The following ROBO2 variants were observed in gnomAD, a reference collection of about 807,000 sequenced individuals.
The protein encoded by ROBO2 is roundabout guidance receptor 2.
A neutral mutation model predicts 160.8 loss-of-function variants in ROBO2; 53 were observed. That is an observed-to-expected ratio of 0.33 (90% CI 0.26 to 0.41). The LOEUF (loss-of-function observed/expected upper bound fraction) is 0.41. Among genes scored for constraint, ROBO2 ranks in the 10% least tolerant of loss-of-function variants. The pLI is 1.00. For missense variants in ROBO2, 1,577 were observed against 1,722.4 expected (o/e 0.92, Z 1.49); for synonymous variants, 664 against 611.7 (o/e 1.09, Z -1.26).
intron 2 of ROBO2, among the ~76,000 whole-genome samples, chr3:76,650,289 T>G (rs1350580352): frequency 6.6e-6 from 1 of 152,138 alleles, no homozygotes; most frequent in Admixed American, 6.5e-5. Context: ...CTCACCTTGT[T>G]TAAAGGTAGA....
intron 2 of ROBO2, among the ~76,000 whole-genome samples, chr3:76,309,021 T>A (rs894325857): frequency 1.9e-4 from 29 of 152,194 alleles, no homozygotes; most frequent in African/African-American, 6.8e-4. Flanking sequence ...CTATTTGACA[T>A]TTTTTCTGTT....
At chr3:76,036,442 G>A (rs373440160) in intron 2 of ROBO2, among the ~76,000 whole-genome samples, 1 of 151,634 alleles carries the variant, frequency 6.6e-6, no homozygotes, top group Middle Eastern at 3.4e-3. Flanking sequence ...GAGCCAATGC[G>A]CCAGGCTGGT....
At chr3:77,634,135 G>C (rs9858645) in intron 23 of ROBO2, 2 of 152,050 alleles carry the variant, frequency 1.3e-5, no homozygotes, top group East Asian at 3.8e-4. Flanking sequence ...AAATTTCCCC[G>C]TATACCTACT....
chr3:76,809,316 G>A (rs1053249987), intron 2 of ROBO2, among the ~76,000 whole-genome samples: 22 of 152,160 alleles, frequency 1.4e-4, no homozygotes, highest in Non-Finnish European at 2.1e-4. Flanking sequence ...TTCTCTTGCT[G>A]GTTGTTGGCC....
intron 2 of ROBO2, among the ~76,000 whole-genome samples, chr3:76,574,152 A>G (rs548129172): frequency 4.9e-4 from 75 of 152,248 alleles, no homozygotes; most frequent in African/African-American, 1.6e-3. Context: ...TCTGTTTATT[A>G]GAATTAAGCA....
intron 2 of ROBO2, among the ~76,000 whole-genome samples, chr3:76,939,978 G>GTTTTTTT (rs2078048454): frequency 2.5e-5 from 2 of 81,458 alleles, no homozygotes; most frequent in East Asian, 3.7e-4. Context: ...AAAGCAACAG[G>GTTTTTTT]ATTTTTTTTT....
chr3:76,694,843 A>G (rs1224454851), intron 2 of ROBO2, among the ~76,000 whole-genome samples: 1 of 152,072 alleles, frequency 6.6e-6, no homozygotes, highest in East Asian at 1.9e-4. Flanking sequence ...TTCTTTTATT[A>G]AAACTTATTT....
At chr3:75,959,434 G>A (rs896632101) in intron 2 of ROBO2, among the ~76,000 whole-genome samples, 8 of 151,674 alleles carry the variant, frequency 5.3e-5, no homozygotes, top group African/African-American at 1.9e-4. Flanking sequence ...GGTTGAGCAG[G>A]TTTTCCTAGT....
chr3:76,062,302 A>C (rs567479020), intron 2 of ROBO2, among the ~76,000 whole-genome samples: 1 of 149,994 alleles, frequency 6.7e-6, no homozygotes, highest in South Asian at 2.1e-4. Context: ...AATTTGTTTA[A>C]AAAGTTAACT....
chr3:77,165,061 T>A (rs2078936920), intron 2 of ROBO2, among the ~76,000 whole-genome samples: 1 of 151,700 alleles, frequency 6.6e-6, no homozygotes, highest in Admixed American at 6.6e-5. Context: ...CTGGGAGGTG[T>A]GCCCAACGGC....
intron 2 of ROBO2, among the ~76,000 whole-genome samples, chr3:76,453,682 C>T (rs574806139): frequency 2.6e-5 from 4 of 152,046 alleles, no homozygotes; most frequent in Admixed American, 6.6e-5. Flanking sequence ...ATAAACCTTT[C>T]GAGTTGGTAA....
At chr3:76,804,626 C>A (rs561300474) in intron 2 of ROBO2, among the ~76,000 whole-genome samples, 1 of 152,152 alleles carries the variant, frequency 6.6e-6, no homozygotes, top group Non-Finnish European at 1.5e-5. Flanking sequence ...CTATTTCTTG[C>A]CAATTATTAG....
intron 2 of ROBO2, among the ~76,000 whole-genome samples, chr3:75,968,859 GT>G (rs2064894366): frequency 7.3e-6 from 1 of 137,306 alleles, no homozygotes; most frequent in African/African-American, 2.7e-5. Flanking sequence ...TACTTGGCTT[GT>G]TTTTAGATAG....
At chr3:76,273,524 A>T (rs1250748514) in intron 2 of ROBO2, among the ~76,000 whole-genome samples, 1 of 152,090 alleles carries the variant, frequency 6.6e-6, no homozygotes, top group East Asian at 1.9e-4. Context: ...GCCTCAGGAA[A>T]CTTACAGTCA....
At chr3:77,515,105 T>C (rs1207101257) in intron 5 of ROBO2, among the ~76,000 whole-genome samples, 3 of 151,792 alleles carry the variant, frequency 2.0e-5, no homozygotes, top group South Asian at 2.1e-4. Context: ...TCTTTAAAAA[T>C]AGTCTTTATA....
At chr3:77,136,075 C>T (rs569527795) in intron 2 of ROBO2, among the ~76,000 whole-genome samples, 31 of 152,228 alleles carry the variant, frequency 2.0e-4, no homozygotes, top group African/African-American at 7.5e-4. Context: ...TTTTTACCAG[C>T]TTTTGCCTTT....
At chr3:76,147,712 C>T (rs1264020606) in intron 2 of ROBO2, among the ~76,000 whole-genome samples, 1 of 151,872 alleles carries the variant, frequency 6.6e-6, no homozygotes, top group African/African-American at 2.4e-5. Context: ...ATGGGAAGGA[C>T]CCTCAATGCG....
chr3:77,132,979 C>G (rs1456718856), intron 2 of ROBO2, among the ~76,000 whole-genome samples: 1 of 152,012 alleles, frequency 6.6e-6, no homozygotes, highest in Non-Finnish European at 1.5e-5. Flanking sequence ...TATGAAATAG[C>G]CAAGCATAGA....
At chr3:76,770,051 T>G (rs2061794687) in intron 2 of ROBO2, among the ~76,000 whole-genome samples, 1 of 151,524 alleles carries the variant, frequency 6.6e-6, no homozygotes, top group Admixed American at 6.6e-5. Context: ...ACAATTAATT[T>G]TAATACAATA....
Sources: allele counts gnomAD v4.1 joint callset (sites outside exome capture counted in the v4.1 genomes callset), GRCh38; gene constraint gnomAD v4.1.1; transcripts MANE v1.5; gene names NCBI Gene and HGNC (gene_info 2026-07-23, HGNC 2026-07-21).